Variants in ROBO2 observed in about 807,000 individuals in gnomAD.
The protein encoded by ROBO2 is roundabout homolog 2.
A neutral mutation model predicts 160.8 loss-of-function variants in ROBO2; 53 were observed. That is an observed-to-expected ratio of 0.33 (90% CI 0.26 to 0.41). The LOEUF is 0.41. ROBO2 is among the 10% of genes least tolerant of loss of function. ROBO2 has a pLI of 1.00. For missense variants in ROBO2, 1,577 were observed against 1,722.4 expected, an observed-to-expected ratio of 0.92 and a Z score of 1.49; for synonymous variants, 664 against 611.7, an observed-to-expected ratio of 1.09 and a Z score of -1.26.
intron 2 of ROBO2, among the ~76,000 whole-genome samples, chr3:77,411,659 T>G (rs899176169): frequency 6.6e-6 from 1 of 152,166 alleles, no homozygotes; most frequent in Non-Finnish European, 1.5e-5. Flanking sequence ...TGTGTAAAAA[T>G]GGAGAAATGA....
chr3:75,925,757 C>T (rs1947268862), intron 1 of ROBO2, among the ~76,000 whole-genome samples: 1 of 152,124 alleles, frequency 6.6e-6, no homozygotes, highest in Admixed American at 6.5e-5. Context: ...AAGGCAGCCA[C>T]AGTGTAGTGG....
At chr3:76,999,061 G>A (rs2061192500) in intron 2 of ROBO2, among the ~76,000 whole-genome samples, 1 of 151,874 alleles carries the variant, frequency 6.6e-6, no homozygotes, top group Non-Finnish European at 1.5e-5. Flanking sequence ...AAATCCACAG[G>A]TCTTCTGTGC....
chr3:76,838,636 C>A (rs542856531), intron 2 of ROBO2, among the ~76,000 whole-genome samples: 1 of 151,986 alleles, frequency 6.6e-6, no homozygotes, highest in Non-Finnish European at 1.5e-5. Flanking sequence ...GATTATTGGG[C>A]CTAGCAACAT....
At chr3:77,441,695 T>A (rs1399206256) in intron 2 of ROBO2, among the ~76,000 whole-genome samples, 1 of 152,138 alleles carries the variant, frequency 6.6e-6, no homozygotes, top group Admixed American at 6.5e-5. Context: ...AGAAGATAAA[T>A]GTCTTTAGTC....
chr3:76,483,016 T>C (rs2079292897), intron 2 of ROBO2, among the ~76,000 whole-genome samples: 1 of 152,148 alleles, frequency 6.6e-6, no homozygotes. Context: ...TTTAAAGTGG[T>C]AAAATTCATT....
chr3:76,951,945 G>A (rs1198573321), intron 2 of ROBO2, among the ~76,000 whole-genome samples: 1 of 152,190 alleles, frequency 6.6e-6, no homozygotes, highest in Non-Finnish European at 1.5e-5. Context: ...TTCAGGGAGA[G>A]CCCTTCCCCA....
intron 2 of ROBO2, among the ~76,000 whole-genome samples, chr3:76,419,351 G>C (rs2075892879): frequency 1.3e-5 from 2 of 152,058 alleles, no homozygotes; most frequent in African/African-American, 2.4e-5. Context: ...TTTCAGCATA[G>C]GCGTAAGCTG....
chr3:77,106,579 GA>G (rs201680104), intron 2 of ROBO2, among the ~76,000 whole-genome samples: 2,657 of 152,168 alleles, frequency 0.017, 32 homozygotes, highest in Middle Eastern at 0.044. Context: ...CAGTATATAT[GA>G]TAAGGCCTTT....
intron 2 of ROBO2, among the ~76,000 whole-genome samples, chr3:76,668,417 C>T (rs1360032289): frequency 6.6e-6 from 1 of 152,042 alleles, no homozygotes; most frequent in Non-Finnish European, 1.5e-5. Context: ...CCATTAGAGG[C>T]CAATCAGGTA....
Position 76,398,985 on chromosome 3 carries a change from C to T in ROBO2, c.109+461383C>T, listed in dbSNP as rs556126650. Among the ~76,000 whole-genome samples the T allele has an allele frequency of 2.0e-5, 3 of 151,866 alleles. No individual in the cohort carries two copies. In the East Asian group the frequency reaches 5.8e-4, roughly 29 times the overall value. On this transcript the variant is annotated intron_variant, in intron 2 of 26. Coordinates refer to the ROBO2 transcript ENST00000487694. Reference sequence around the variant, plus strand: ...TGACTTTGAAGTTAACTAAATTACACACAAATAATACTTGACATGGTTTTG... The same window carrying T: ...TGACTTTGAAGTTAACTAAATTACATACAAATAATACTTGACATGGTTTTG...
At chr3:76,770,103 T>C (rs889298451) in intron 2 of ROBO2, among the ~76,000 whole-genome samples, 7 of 151,446 alleles carry the variant, frequency 4.6e-5, no homozygotes, top group African/African-American at 1.7e-4. Context: ...ATTACCATCA[T>C]GTAATGTTTT....
At chr3:76,448,443 C>T (rs529621432) in intron 2 of ROBO2, among the ~76,000 whole-genome samples, 1 of 152,080 alleles carries the variant, frequency 6.6e-6, no homozygotes, top group Non-Finnish European at 1.5e-5. Context: ...GGCCAGTTCA[C>T]CAAGGGCAAA....
chr3:77,580,921 T>C (rs188638969), intron 16 of ROBO2, among the ~76,000 whole-genome samples: 113 of 152,232 alleles, frequency 7.4e-4, no homozygotes, highest in African/African-American at 2.6e-3. Flanking sequence ...TGCTAAACAA[T>C]ATTCAAATTG....
At chr3:76,092,010 A>T (rs2069255969) in intron 2 of ROBO2, among the ~76,000 whole-genome samples, 1 of 152,182 alleles carries the variant, frequency 6.6e-6, no homozygotes, top group Non-Finnish European at 1.5e-5. Context: ...AATATACGAC[A>T]TTATACATTT....
At chr3:76,627,423 G>A (rs1269823289) in intron 2 of ROBO2, among the ~76,000 whole-genome samples, 2 of 152,176 alleles carry the variant, frequency 1.3e-5, no homozygotes, top group Non-Finnish European at 2.9e-5. Flanking sequence ...TAACTGTTTA[G>A]CTGTGCCCCC....
intron 1 of ROBO2, among the ~76,000 whole-genome samples, chr3:77,083,478 C>G (rs574512395): frequency 1.1e-4 from 16 of 152,086 alleles, no homozygotes; most frequent in Non-Finnish European, 1.9e-4. Flanking sequence ...AAAGCAATCA[C>G]TAACTGTTCC....
intron 2 of ROBO2, among the ~76,000 whole-genome samples, chr3:77,462,709 G>T (rs2082369046): frequency 6.6e-6 from 1 of 152,094 alleles, no homozygotes; most frequent in African/African-American, 2.4e-5. Flanking sequence ...GGGTTTTAAA[G>T]AAGTATAAAG....
intron 2 of ROBO2, among the ~76,000 whole-genome samples, chr3:75,978,632 A>C (rs1347335058): frequency 6.6e-6 from 1 of 151,578 alleles, no homozygotes; most frequent in African/African-American, 2.4e-5. Context: ...AATTGATATC[A>C]GTCCTTAAGA....
intron 2 of ROBO2, among the ~76,000 whole-genome samples, chr3:77,412,669 A>G (rs1300027369): frequency 6.6e-6 from 1 of 152,178 alleles, no homozygotes; most frequent in African/African-American, 2.4e-5. Context: ...AAAGATCTGA[A>G]AGTCTTTGCA....
Sources: allele counts gnomAD v4.1 joint callset (sites outside exome capture counted in the v4.1 genomes callset), GRCh38; gene constraint gnomAD v4.1.1; transcripts MANE v1.5; gene names NCBI Gene and HGNC (gene_info 2026-07-23, HGNC 2026-07-21).